FBLN2: variants seen among roughly 807,000 people sequenced by gnomAD.
FBLN2 encodes the protein fibulin-2.
In FBLN2, 81 loss-of-function variants were observed where a neutral mutation model predicts 123.7. The observed-to-expected ratio is 0.65, with a 90% CI of 0.55 to 0.79. FBLN2 has a LOEUF of 0.79. Ranked by LOEUF, FBLN2 falls within the 30% of genes least tolerant of loss-of-function variation. FBLN2 has a pLI of 0.00. For missense variants in FBLN2, 1,603 were observed against 1,681.3 expected (o/e 0.95, Z 0.81); for synonymous variants, 699 against 701.4 (o/e 1.00, Z 0.05).
At chr3:13,601,238 C>G (rs1307852016) in intron 2 of FBLN2, among the ~76,000 whole-genome samples, 1 of 152,238 alleles carries the variant, frequency 6.6e-6, no homozygotes, top group Non-Finnish European at 1.5e-5. Context: ...ACCATAATCT[C>G]TGTAAGGCAA....
intron 1 of FBLN2, among the ~76,000 whole-genome samples, chr3:13,550,363 C>T (rs1703287631): frequency 6.6e-6 from 1 of 152,242 alleles, no homozygotes; most frequent in Non-Finnish European, 1.5e-5. Context: ...TAGGGGTGCC[C>T]TCCCTCCCTT....
intron 2 of FBLN2, among the ~76,000 whole-genome samples, chr3:13,583,388 C>G (rs1016152011): frequency 3.9e-5 from 6 of 152,266 alleles, no homozygotes; most frequent in African/African-American, 1.4e-4. Flanking sequence ...TTCCTGAAAC[C>G]AGTGAAGTAG....
chr3:13,603,971 A>G (rs1705123396), intron 2 of FBLN2, among the ~76,000 whole-genome samples: 1 of 152,122 alleles, frequency 6.6e-6, no homozygotes, highest in Non-Finnish European at 1.5e-5. Context: ...TTTGATTTGC[A>G]TTTCTCTGAT....
chr3:13,566,182 G>T (rs561686077), intron 1 of FBLN2, among the ~76,000 whole-genome samples: 11 of 152,304 alleles, frequency 7.2e-5, no homozygotes, highest in Admixed American at 7.2e-4. Flanking sequence ...ATCTCCAGGG[G>T]CTTCTTTTTT....
intron 2 of FBLN2, among the ~76,000 whole-genome samples, chr3:13,574,068 G>A (rs940324378): frequency 6.6e-5 from 10 of 152,174 alleles, no homozygotes; most frequent in Non-Finnish European, 4.4e-5. Context: ...TGAGGACTAC[G>A]CGGCTCAGCA....
intron 1 of FBLN2, among the ~76,000 whole-genome samples, 184 bp downstream of exon 1, chr3:13,549,392 G>A (rs1309263456): frequency 4.0e-5 from 6 of 151,496 alleles, no homozygotes; most frequent in Admixed American, 6.6e-5. Flanking sequence ...TCCCAGCGCG[G>A]GGACGGCCCG....
chr3:13,622,011 C>A, intron 9 of FBLN2, 96 bp downstream of exon 9: 1 of 1,409,142 alleles, frequency 7.1e-7, no homozygotes, highest in Non-Finnish European at 9.6e-7. Context: ...AAGGGCCTGC[C>A]CTTTGCATGT....
chr3:13,623,599 T>G (rs1705929308), intron 9 of FBLN2, among the ~76,000 whole-genome samples: 1 of 152,218 alleles, frequency 6.6e-6, no homozygotes, highest in Admixed American at 6.5e-5. Flanking sequence ...GCAGTTCATT[T>G]GTTTGCTCTG....
chr3:13,560,491 C>T (rs1703573922), intron 1 of FBLN2, among the ~76,000 whole-genome samples: 1 of 152,130 alleles, frequency 6.6e-6, no homozygotes, highest in Non-Finnish European at 1.5e-5. Context: ...CTCACACCAC[C>T]CACCTGTGTC....
intron 2 of FBLN2, among the ~76,000 whole-genome samples, chr3:13,575,062 G>A (rs910602682): frequency 6.6e-6 from 1 of 152,212 alleles, no homozygotes; most frequent in East Asian, 1.9e-4. Flanking sequence ...AGATATCAGC[G>A]GGTGGGCTGA....
At chr3:13,599,413 G>C (rs969879176) in intron 2 of FBLN2, among the ~76,000 whole-genome samples, 1 of 152,194 alleles carries the variant, frequency 6.6e-6, no homozygotes, top group Non-Finnish European at 1.5e-5. Flanking sequence ...TGAGTAGAGA[G>C]AGTGAGTGGG....
rs1026496596 is a variant in FBLN2 at position 13,614,746 on chromosome 3, C to T, written c.1729+582C>T. 1.1e-4 allele frequency among the ~76,000 whole-genome samples: 17 copies of T among 151,574 alleles called. No individual in the cohort carries two copies. In the East Asian group the frequency reaches 3.3e-3, roughly 30 times the overall value. ...TCCATTCATTCATCCATGTATCTAT[C>T]TACCTATCCACTATCCACTCATCCA... On this transcript the variant is annotated intron_variant, in intron 5 of 17. Transcript: ENST00000404922.
Position 13,549,145 on chromosome 3 carries a change from C to T in FBLN2, c.-105C>T. 2 of 982,932 alleles carry T rather than the reference C, an allele frequency of 2.0e-6. No individual in the cohort carries two copies. Among genetic ancestry groups the T allele is most frequent in the Non-Finnish European group, 2.4e-6 (2 of 828,984 alleles). 60.9% of individuals were successfully genotyped at this position (982,932 alleles called of 1,614,324 possible). A position where few individuals can be genotyped will look rare whatever the true frequency, so the allele number is the denominator to read the frequency against. On this transcript the variant is annotated 5_prime_UTR_variant, in exon 1 of 18. Coordinates refer to ENST00000404922, the MANE Select transcript of FBLN2 (RefSeq NM_001004019.2). The stretch of plus-strand genomic sequence containing the variant: ...CGCGCGCACACAGCCAGGGGCCGCC[C>T]GGGCTCTCGACGCGCCGACGGCCGG...
rs190206480 is a variant in FBLN2, at chr3:13,570,819, C to T, written c.464C>T (p.Pro155Leu). The T allele has an allele frequency of 1.1e-3, 1,738 of 1,598,032 alleles. 3 individuals are homozygous for T. The highest frequency in any genetic ancestry group is 1.4e-3 in the Non-Finnish European group (1,650 of 1,173,456). The change falls in exon 2 of 18, where the codon CCG becomes CTG. Residue 155 changes from proline to leucine, a missense_variant. By Grantham distance (98) the Pro-to-Leu change is moderately conservative. Coordinates refer to ENST00000404922, the MANE Select transcript of FBLN2 (RefSeq NM_001004019.2). ...GCCGCTGGCCACACTGTTCACCTGC[C>T]GCCCTGCCGGGCCTGCCACTGCCCT... ...KYAAGHTVHL[P>L]PCRACHCPDA...
chr3:13,617,617 A>G (rs1404537889), intron 5 of FBLN2, among the ~76,000 whole-genome samples: 3 of 142,312 alleles, frequency 2.1e-5, no homozygotes, highest in Non-Finnish European at 4.6e-5. Flanking sequence ...CCATCCATCC[A>G]TCCACCCATC....
chr3:13,631,415 G>T lies in FBLN2; in HGVS notation c.3172G>T (p.Glu1058Ter). The T allele has an allele frequency of 6.2e-7, 1 of 1,600,688 alleles. No homozygotes were observed. The change falls in exon 16 of 18, where the codon GAG becomes TAG. Residue 1058 changes from glutamate to a stop codon, truncating the protein, a stop_gained. Transcript: ENST00000404922. LOFTEE classifies it high-confidence loss of function. ...VPGSYQCACP[E>*]QGYTMTANGR... is the part of the protein sequence containing the mutation. Reference sequence around the variant, plus strand: ...AGGGAGCTACCAGTGTGCATGCCCTGAGCAGGGCTACACCATGACGGCCAA... The same window carrying T: ...AGGGAGCTACCAGTGTGCATGCCCTTAGCAGGGCTACACCATGACGGCCAA...
chr3:13,551,261 T>C (rs1703315355), intron 1 of FBLN2, among the ~76,000 whole-genome samples: 1 of 152,166 alleles, frequency 6.6e-6, no homozygotes, highest in South Asian at 2.1e-4. Flanking sequence ...CCTTAGTCGT[T>C]GAAGCAATGA....
chr3:13,627,705 G>A, intron 10 of FBLN2, 127 bp from the exon 11 acceptor site: 1 of 1,252,620 alleles, frequency 8.0e-7, no homozygotes, highest in Non-Finnish European at 1.1e-6. Flanking sequence ...GGCTGTGCCA[G>A]CTTCCCAGGG....
intron 3 of FBLN2, among the ~76,000 whole-genome samples, chr3:13,609,270 C>T (rs1705308887): frequency 6.6e-6 from 1 of 152,198 alleles, no homozygotes; most frequent in Non-Finnish European, 1.5e-5. Flanking sequence ...GATGCCAACC[C>T]CTCTCTCTCA....
Sources: gnomAD v4.1 joint callset for allele counts (sites outside exome capture counted in the v4.1 genomes callset) on GRCh38, gnomAD v4.1.1 for gene constraint, MANE v1.5 for transcripts, NCBI Gene and HGNC (gene_info 2026-07-23, HGNC 2026-07-21) for gene names.